The following JUND variants were observed in gnomAD, a reference collection of about 807,000 sequenced individuals.
JUND encodes JunD proto-oncogene, AP-1 transcription factor subunit, also known as transcription factor JunD.
Under a neutral mutation model 7.1 loss-of-function variants are expected in JUND, and 2 were observed. The observed-to-expected ratio is 0.28, with a 90% CI of 0.11 to 0.88. The LOEUF (loss-of-function observed/expected upper bound fraction) is 0.88, where lower values mean the gene tolerates loss of function less well. Ranked by LOEUF, JUND falls within the 40% of genes least tolerant of loss-of-function variation. The pLI is 0.60. For synonymous variants in JUND, 335 were observed against 263.2 expected (o/e 1.27, Z -2.64); for missense variants, 479 against 519.1 (o/e 0.92, Z 0.75).
chr19:18,280,428 C>G lies in JUND; in HGVS notation c.*13G>C. 6.5e-7 allele frequency: 1 copy of G among 1,545,136 alleles called. No individual in the cohort carries two copies. The highest frequency in any genetic ancestry group is 8.7e-7 in the Non-Finnish European group (1 of 1,146,626). ...TTGGGGAGGGTGGCCGCGCATGCGC[C>G]CCGCGCGCGGACTCAGTACGCGGGC... On this transcript the variant is annotated 3_prime_UTR_variant, in exon 1 of 1. Transcript: ENST00000252818. The surrounding 1 kb of genome is among the most constrained non-coding windows in gnomAD (Gnocchi z 4.1).
Position 18,280,257 on chromosome 19 carries a change from C to CGAGTCCGGGGCGCCCCTTCA in JUND, c.*183_*184insTGAAGGGGCGCCCCGGACTC. ...CCCGGGAGCAGGGGGTCCAGCTTGT[C>CGAGTCCGGGGCGCCCCTTCA]GAGTCCTGGGCACCCTCGGGGGGGG... On this transcript the variant is annotated 3_prime_UTR_variant, in exon 1 of 1. Coordinates refer to ENST00000252818, the MANE Select transcript of JUND (RefSeq NM_005354.6). The surrounding 1 kb of genome is among the most constrained non-coding windows in gnomAD (Gnocchi z 4.1). The CGAGTCCGGGGCGCCCCTTCA allele has an allele frequency of 2.2e-6, 1 of 458,386 alleles. No individual in the cohort carries two copies. The highest frequency in any genetic ancestry group is 6.8e-5 in the Admixed American group (1 of 14,716). 28.4% of individuals were successfully genotyped at this position (458,386 alleles called of 1,614,324 possible).
Position 18,280,546 on chromosome 19 carries a change from C to G in JUND, c.939G>C (p.Thr313=), listed in dbSNP as rs567301722. 136 of 1,612,272 alleles carry G rather than the reference C, an allele frequency of 8.4e-5. 4 individuals carry two copies. In the South Asian group the frequency reaches 1.1e-3, roughly 13 times the overall value. The change falls in exon 1 of 1, where the codon ACG becomes ACC. Residue 313 remains threonine, a synonymous_variant. Coordinates refer to ENST00000252818, the MANE Select transcript of JUND (RefSeq NM_005354.6). The surrounding 1 kb of genome is among the most constrained non-coding windows in gnomAD (Gnocchi z 4.1). The stretch of plus-strand genomic sequence containing the variant: ...CCACCTGCTCGCGCAGCAGGCTCGC[C>G]GTGGACGCCAGCTCCGTGTTCTGAC... ...LKSQNTELAS[T]ASLLREQVAQ...
In JUND at chr19:18,281,321, C is replaced by T. The variant is rs1467909902; in HGVS notation, c.164G>A (p.Ser55Asn). Residue 55 changes from serine to asparagine, a missense_variant, in exon 1 of 1, where the codon AGT becomes AAT. Physicochemically the swap from Ser to Asn is conservative, Grantham distance 46 (BLOSUM62 1). This residue lies in a region of JUND where 374 missense variants were observed against 365.4 expected (regional missense o/e 1.02). Transcript: ENST00000252818. Reference protein sequence around the residue: ...MKKDALTLSLSEQVAAALKPA... With the variant: ...MKKDALTLSLNEQVAAALKPA... ...CTTGAGCGCTGCCGCCACCTGCTCA[C>T]TCAGGCTCAGCGTCAGCGCGTCCTT... 2 of 1,373,600 alleles carry T rather than the reference C, an allele frequency of 1.5e-6. No homozygotes were observed. Among genetic ancestry groups the T allele is most frequent in the Non-Finnish European group, 1.9e-6 (2 of 1,073,650 alleles). 85.1% of individuals were successfully genotyped at this position (1,373,600 alleles called of 1,614,324 possible).
At position 18,280,881 on chromosome 19, in the gene JUND, C is replaced by CCGCGTAGCTGCTCAGGTT; in HGVS notation, c.586_603dup (p.Asn196_Ala201dup). ...GCGCCCCCCGCGCCCCCGGCGCCGC[C>CCGCGTAGCTGCTCAGGTT]CGCGTAGCTGCTCAGGTTCGCGTAG... On this transcript the variant is annotated inframe_insertion, in exon 1 of 1. Transcript: ENST00000252818. This position sits in a 1 kb window ranked among gnomAD's most constrained non-coding sequence, Gnocchi z 4.1. 7.7e-7 allele frequency: 1 copy of CCGCGTAGCTGCTCAGGTT among 1,291,118 alleles called. No homozygotes were observed. The highest frequency in any genetic ancestry group is 1.6e-5 in the African/African-American group (1 of 63,636). 80.0% of individuals were successfully genotyped at this position (1,291,118 alleles called of 1,614,324 possible).
chr19:18,281,285 G>A lies in JUND; in HGVS notation c.200C>T (p.Ala67Val). ...QVAAALKPAA[A>V]PPPTPLRADG... ...GGCGCGCAGGGGGGTAGGAGGCGGC[G>A]CGGCCGCAGGCTTGAGCGCTGCCGC... Residue 67 changes from alanine to valine, a missense_variant, in exon 1 of 1, where the codon GCG becomes GTG. Transcript: ENST00000252818. 7.1e-7 allele frequency: 1 copy of A among 1,415,686 alleles called. No homozygotes were observed. Among genetic ancestry groups the A allele is most frequent in the South Asian group, 1.5e-5 (1 of 67,982 alleles). 87.7% of individuals were successfully genotyped at this position (1,415,686 alleles called of 1,614,324 possible).
Position 18,281,410 on chromosome 19 carries a change from G to A in JUND, c.75C>T (p.Phe25=). Residue 25 remains phenylalanine, a synonymous_variant, in exon 1 of 1, where the codon TTC becomes TTT. Coordinates refer to ENST00000252818, the MANE Select transcript of JUND (RefSeq NM_005354.6). ...CGGGGAACAAGCGGCCCGGGGACGC[G>A]AAGCTGCCGCCGCTGCCACTGGCGC... ...GGGASGSGGS[F]ASPGRLFPGA... 1.5e-6 allele frequency: 2 copies of A among 1,352,912 alleles called. No homozygotes were observed. The highest frequency in any genetic ancestry group is 3.1e-5 in the African/African-American group (2 of 65,072). The allele number at this position is 1,352,912 out of a possible 1,614,324, so 83.8% of individuals were successfully genotyped here.
At position 18,281,613 on chromosome 19, in the gene JUND, G is replaced by T. The variant is rs1367679192; in HGVS notation, c.-129C>A. The T allele has an allele frequency of 5.3e-5, 10 of 187,632 alleles. No individual in the cohort carries two copies. Among genetic ancestry groups the T allele is most frequent in the Non-Finnish European group, 8.7e-5 (9 of 103,206 alleles). The allele number at this position is 187,632 out of a possible 1,614,324, so 11.6% of individuals were successfully genotyped here. A position where few individuals can be genotyped will look rare whatever the true frequency, so the allele number is the denominator to read the frequency against. ...CCGCAGCGCCCGGCCCTCCACTGGC[G>T]GCGGCTCCTGCGCCGCGCCACTTGT... On this transcript the variant is annotated 5_prime_UTR_variant, in exon 1 of 1. Coordinates refer to ENST00000252818, the MANE Select transcript of JUND (RefSeq NM_005354.6).
chr19:18,280,398 G>GC lies in JUND; in HGVS notation c.*42dup. The GC allele has an allele frequency of 6.5e-7, 1 of 1,528,922 alleles. No individual in the cohort carries two copies. The highest frequency in any genetic ancestry group is 8.8e-7 in the Non-Finnish European group (1 of 1,142,370). The allele number at this position is 1,528,922 out of a possible 1,614,324, so 94.7% of individuals were successfully genotyped here. A position where few individuals can be genotyped will look rare whatever the true frequency, so the allele number is the denominator to read the frequency against. ...GCCCACGACACCCCCCCGCGAGCCC[G>GC]CCCCTTGGGGAGGGTGGCCGCGCAT... On this transcript the variant is annotated 3_prime_UTR_variant, in exon 1 of 1. Transcript: ENST00000252818. This position sits in a 1 kb window ranked among gnomAD's most constrained non-coding sequence, Gnocchi z 4.1.
Position 18,281,312 on chromosome 19 carries a change from A to G in JUND, c.173T>C (p.Val58Ala). 7.3e-7 allele frequency: 1 copy of G among 1,377,136 alleles called. No homozygotes were observed. Among genetic ancestry groups the G allele is most frequent in the South Asian group, 1.6e-5 (1 of 61,196 alleles). The allele number at this position is 1,377,136 out of a possible 1,614,324, so 85.3% of individuals were successfully genotyped here. A position where few individuals can be genotyped will look rare whatever the true frequency, so the allele number is the denominator to read the frequency against. Residue 58 changes from valine (V) to alanine (A), a missense_variant, in exon 1 of 1, where the codon GTG becomes GCG. Val to Ala is a moderately conservative substitution (Grantham distance 64). Around this residue, in one of 3 missense-constraint regions of JUND, gnomAD observed 374 missense variants for 365.4 expected, o/e 1.02. Coordinates refer to ENST00000252818, the MANE Select transcript of JUND (RefSeq NM_005354.6). ...GGCCGCAGGCTTGAGCGCTGCCGCC[A>G]CCTGCTCACTCAGGCTCAGCGTCAG... The part of the protein sequence containing the change: ...DALTLSLSEQ[V>A]AAALKPAAAP...
At position 18,281,020 on chromosome 19, in the gene JUND, C is replaced by A. The variant is rs896654167; in HGVS notation, c.465G>T (p.Ala155=). 1 of 1,354,348 alleles carries A rather than the reference C, an allele frequency of 7.4e-7. No homozygotes were observed. The highest frequency in any genetic ancestry group is 9.5e-7 in the Non-Finnish European group (1 of 1,053,284). The allele number at this position is 1,354,348 out of a possible 1,614,324, so 83.9% of individuals were successfully genotyped here. Residue 155 remains alanine, a synonymous_variant, in exon 1 of 1, where the codon GCG becomes GCT. Transcript: ENST00000252818. ...CGGCGGCGGCGGCAGCGGCCGCGCC[C>A]GCGCCGAGCTGGTTCTGCTTGTGTA... ...EDLHKQNQLG[A]GAAAAAAAAA...
At position 18,280,005 on chromosome 19, in the gene JUND, A is replaced by C; in HGVS notation, c.*436T>G. ...ACAACCAACGTTTGTTCCCGAGTAG[A>C]AACATAAATAGGGCAGAATCGAACA... is the stretch of plus-strand genomic sequence containing the variant. On this transcript the variant is annotated 3_prime_UTR_variant, in exon 1 of 1. Coordinates refer to ENST00000252818, the MANE Select transcript of JUND (RefSeq NM_005354.6). The surrounding 1 kb of genome is among the most constrained non-coding windows in gnomAD (Gnocchi z 4.1). The C allele has an allele frequency of 5.7e-6, 1 of 175,724 alleles. No homozygotes were observed. Among genetic ancestry groups the C allele is most frequent in the South Asian group, 1.0e-4 (1 of 9,550 alleles). The allele number at this position is 175,724 out of a possible 1,614,324, so 10.9% of individuals were successfully genotyped here. A position where few individuals can be genotyped will look rare whatever the true frequency, so the allele number is the denominator to read the frequency against.
chr19:18,281,118 A>G lies in JUND; in HGVS notation c.367T>C (p.Phe123Leu), dbSNP rs1969939587. ...LVTTTPTSSQ[F>L]LYPKVAASEE... ...CTGGCCGCCACCTTGGGGTAGAGGAACTGTGAGCTCGTCGGCGTGGTGGTG... is the reference window on the plus strand; with the variant it reads ...CTGGCCGCCACCTTGGGGTAGAGGAGCTGTGAGCTCGTCGGCGTGGTGGTG... The change falls in exon 1 of 1, where the codon TTC (phenylalanine) becomes CTC (leucine). Residue 123 changes from phenylalanine to leucine, a missense_variant. By Grantham distance (22) the Phe-to-Leu change is conservative. Coordinates refer to ENST00000252818, the MANE Select transcript of JUND (RefSeq NM_005354.6). The G allele has an allele frequency of 6.3e-7, 1 of 1,579,750 alleles. No homozygotes were observed. The highest frequency in any genetic ancestry group is 8.6e-7 in the Non-Finnish European group (1 of 1,168,356).
chr19:18,281,488 C>G lies in JUND; in HGVS notation c.-4G>C, dbSNP rs904363139. The G allele has an allele frequency of 4.7e-6, 6 of 1,282,566 alleles. No individual in the cohort carries two copies. The highest frequency in any genetic ancestry group is 5.9e-4 in the Middle Eastern group (2 of 3,392). 79.4% of individuals were successfully genotyped at this position (1,282,566 alleles called of 1,614,324 possible). ...CGCCGTAGAAGGGTGTTTCCATCCT[C>G]CGCCTCCCCCGCCGCGCCGGCCCGG... On this transcript the variant is annotated 5_prime_UTR_variant, in exon 1 of 1. Coordinates refer to ENST00000252818, the MANE Select transcript of JUND (RefSeq NM_005354.6).
chr19:18,281,093 C>G lies in JUND; in HGVS notation c.392G>C (p.Ser131Thr). The change falls in exon 1 of 1, where the codon AGC becomes ACC. Residue 131 changes from serine (S) to threonine (T), a missense_variant. Physicochemically the swap from Ser to Thr is moderately conservative, Grantham distance 58 (BLOSUM62 1). Transcript: ENST00000252818. Reference protein sequence around the residue: ...SQFLYPKVAASEEQEFAEGFV... With the variant: ...SQFLYPKVAATEEQEFAEGFV... ...GCCCTCGGCGAACTCCTGCTCCTCGCTGGCCGCCACCTTGGGGTAGAGGAA... is the reference window on the plus strand; with the variant it reads ...GCCCTCGGCGAACTCCTGCTCCTCGGTGGCCGCCACCTTGGGGTAGAGGAA... 1 of 1,579,878 alleles carries G rather than the reference C, an allele frequency of 6.3e-7. No homozygotes were observed. Among genetic ancestry groups the G allele is most frequent in the Non-Finnish European group, 8.6e-7 (1 of 1,167,822 alleles).
rs1319687968 is a variant in JUND, at chr19:18,279,923, T to C, written c.*518A>G. The C allele has an allele frequency of 6.5e-6, 1 of 152,760 alleles. No individual in the cohort carries two copies. Among genetic ancestry groups the C allele is most frequent in the Non-Finnish European group, 1.5e-5 (1 of 68,568 alleles). 9.5% of individuals were successfully genotyped at this position (152,760 alleles called of 1,614,324 possible). A position where few individuals can be genotyped will look rare whatever the true frequency, so the allele number is the denominator to read the frequency against. On this transcript the variant is annotated 3_prime_UTR_variant, in exon 1 of 1. Transcript: ENST00000252818. ...CGAGATCGAGGAAAGGGGCGGAGAA[T>C]TTTTTTTTCTTCTTCCCATTTCTTT...
Position 18,280,528 on chromosome 19 carries a change from C to A in JUND, c.957G>T (p.Glu319Asp). Residue 319 changes from glutamate (E) to aspartate (D), a missense_variant, in exon 1 of 1, where the codon GAG (glutamate) becomes GAT (aspartate). Glu to Asp is a conservative substitution (Grantham distance 45). Around this residue, in one of 3 missense-constraint regions of JUND, gnomAD observed 42 missense variants for 37.1 expected, o/e 1.13. Coordinates refer to ENST00000252818, the MANE Select transcript of JUND (RefSeq NM_005354.6). The surrounding 1 kb of genome is among the most constrained non-coding windows in gnomAD (Gnocchi z 4.1). ...CTTTCTGCTTGAGCTGCGCCACCTG[C>A]TCGCGCAGCAGGCTCGCCGTGGACG... ...ELASTASLLR[E>D]QVAQLKQKVL... is the part of the protein sequence containing the mutation. 1.2e-6 allele frequency: 2 copies of A among 1,611,254 alleles called. No homozygotes were observed. Among genetic ancestry groups the A allele is most frequent in the Non-Finnish European group, 1.7e-6 (2 of 1,179,162 alleles).
chr19:18,281,123 G>A lies in JUND; in HGVS notation c.362C>T (p.Ser121Leu). 1.3e-6 allele frequency: 2 copies of A among 1,579,968 alleles called. No individual in the cohort carries two copies. The highest frequency in any genetic ancestry group is 1.7e-6 in the Non-Finnish European group (2 of 1,168,810). ...NGLVTTTPTS[S>L]QFLYPKVAAS... is the part of the protein sequence containing the mutation. ...CGCCACCTTGGGGTAGAGGAACTGT[G>A]AGCTCGTCGGCGTGGTGGTGACCAG... is the stretch of plus-strand genomic sequence containing the variant. Residue 121 changes from serine to leucine, a missense_variant, in exon 1 of 1, where the codon TCA (serine) becomes TTA (leucine). Coordinates refer to ENST00000252818, the MANE Select transcript of JUND (RefSeq NM_005354.6).
Position 18,281,344 on chromosome 19 carries a change from C to G in JUND, c.141G>C (p.Lys47Asn), listed in dbSNP as rs1173199736. The change falls in exon 1 of 1, where the codon AAG becomes AAC. Residue 47 changes from lysine (K) to asparagine (N), a missense_variant. By Grantham distance (94) the Lys-to-Asn change is moderately conservative. This residue lies in a region of JUND where 374 missense variants were observed against 365.4 expected (regional missense o/e 1.02). Coordinates refer to ENST00000252818, the MANE Select transcript of JUND (RefSeq NM_005354.6). ...CACTCAGGCTCAGCGTCAGCGCGTCCTTCTTCATCATGCTGCCGGCCGCGG... is the reference window on the plus strand; with the variant it reads ...CACTCAGGCTCAGCGTCAGCGCGTCGTTCTTCATCATGCTGCCGGCCGCGG... ...PTAAAGSMMK[K>N]DALTLSLSEQ... The G allele has an allele frequency of 1.5e-5, 20 of 1,349,556 alleles. No individual in the cohort carries two copies. The highest frequency in any genetic ancestry group is 1.9e-5 in the Non-Finnish European group (20 of 1,060,198). 83.6% of individuals were successfully genotyped at this position (1,349,556 alleles called of 1,614,324 possible). A position where few individuals can be genotyped will look rare whatever the true frequency, so the allele number is the denominator to read the frequency against.
rs752395743 is a variant in JUND at position 18,280,790 on chromosome 19, C to G, written c.695G>C (p.Gly232Ala). The G allele has an allele frequency of 1.1e-5, 18 of 1,585,304 alleles. No individual in the cohort carries two copies. In the South Asian group the frequency reaches 2.0e-4, roughly 18 times the overall value. ...CTTGAGCGCAGCCAGGCGCGGCGGC[C>G]CCAACGCGCCTGGGGGTGGCGGCGG... ...FPPPPPPGAL[G>A]PPRLAALKDE... The change falls in exon 1 of 1, where the codon GGG becomes GCG. Residue 232 changes from glycine to alanine, a missense_variant. Gly to Ala is a moderately conservative substitution (Grantham distance 60). Coordinates refer to ENST00000252818, the MANE Select transcript of JUND (RefSeq NM_005354.6). This position sits in a 1 kb window ranked among gnomAD's most constrained non-coding sequence, Gnocchi z 4.1.
Sources: gnomAD v4.1 joint callset for allele counts on GRCh38, gnomAD v4.1.1 for gene constraint, gnomAD v4.1.1 regional missense constraint, Gnocchi (gnomAD v3.1) non-coding constraint, MANE v1.5 for transcripts, NCBI Gene and HGNC (gene_info 2026-07-23, HGNC 2026-07-21) for gene names.